PPP2R2A: variants seen among roughly 807,000 people sequenced by gnomAD.
PPP2R2A encodes protein phosphatase 2 regulatory subunit Balpha.
Under a neutral mutation model 53.2 loss-of-function variants are expected in PPP2R2A, and 9 were observed. The ratio of observed to expected loss-of-function variants is 0.17; its 90% CI spans 0.10 to 0.30. PPP2R2A has a LOEUF of 0.30. Among genes scored for constraint, PPP2R2A ranks in the 10% least tolerant of loss-of-function variants. The probability of loss-of-function intolerance (pLI) is 1.00; values close to 1 mark genes in which losing one functional copy is unlikely to be tolerated. For synonymous variants in PPP2R2A, 169 were observed against 174.2 expected (o/e 0.97, Z 0.23); for missense variants, 235 against 534.6 (o/e 0.44, Z 5.53).
At chr8:26,340,181 C>G (rs1803870986) in intron 3 of PPP2R2A, among the ~76,000 whole-genome samples, 1 of 151,860 alleles carries the variant, frequency 6.6e-6, no homozygotes, top group Non-Finnish European at 1.5e-5. Context: ...CCATAAGAAT[C>G]TTGACATACT....
chr8:26,343,924 C>G (rs1268134109), intron 3 of PPP2R2A, among the ~76,000 whole-genome samples: 3 of 152,064 alleles, frequency 2.0e-5, no homozygotes, highest in Non-Finnish European at 4.4e-5. Context: ...ACATTTTCCC[C>G]CCATCCAGGC....
chr8:26,361,945 G>A (rs908172973), intron 6 of PPP2R2A, among the ~76,000 whole-genome samples: 1 of 150,218 alleles, frequency 6.7e-6, no homozygotes, highest in African/African-American at 2.4e-5. Context: ...TGGGCAACAA[G>A]AGTGAAACTC....
chr8:26,309,397 C>G (rs1802170491), intron 2 of PPP2R2A, among the ~76,000 whole-genome samples: 1 of 152,166 alleles, frequency 6.6e-6, no homozygotes. Flanking sequence ...GTGCTCTCAG[C>G]TAGGCTTTTT....
intron 3 of PPP2R2A, among the ~76,000 whole-genome samples, chr8:26,346,647 G>GGTT (rs1327102767): frequency 6.6e-6 from 1 of 151,476 alleles, no homozygotes; most frequent in Non-Finnish European, 1.5e-5. Flanking sequence ...ATTGAAATTG[G>GGTT]GTTCTTTCTC....
chr8:26,353,779 G>A (rs1191747892), intron 3 of PPP2R2A, among the ~76,000 whole-genome samples: 5 of 152,126 alleles, frequency 3.3e-5, no homozygotes, highest in African/African-American at 1.2e-4. Context: ...TGTGTGCCAG[G>A]TTCATAAGAT....
intron 2 of PPP2R2A, among the ~76,000 whole-genome samples, chr8:26,317,192 G>A (rs184251528): frequency 3.3e-5 from 5 of 152,226 alleles, no homozygotes; most frequent in African/African-American, 9.6e-5. Flanking sequence ...GCTTTCTTGA[G>A]GGCTTTGAAC....
intron 2 of PPP2R2A, among the ~76,000 whole-genome samples, chr8:26,295,396 T>C (rs1462774269): frequency 6.6e-6 from 1 of 152,232 alleles, no homozygotes; most frequent in South Asian, 2.1e-4. Flanking sequence ...CCTTAATGTA[T>C]AGGTTCTGTC....
chr8:26,369,435 G>C (rs1805553071), intron 9 of PPP2R2A, among the ~76,000 whole-genome samples: 1 of 151,438 alleles, frequency 6.6e-6, no homozygotes, highest in South Asian at 2.1e-4. Context: ...CAGTTGCCCA[G>C]GCTGGAGTGC....
At chr8:26,319,071 A>G (rs1463288083) in intron 2 of PPP2R2A, among the ~76,000 whole-genome samples, 2 of 152,084 alleles carry the variant, frequency 1.3e-5, no homozygotes, top group Non-Finnish European at 2.9e-5. Context: ...GTCTCTATGA[A>G]TTTGACTCCT....
intron 2 of PPP2R2A, among the ~76,000 whole-genome samples, chr8:26,331,394 T>C (rs1181222548): frequency 2.6e-5 from 4 of 152,226 alleles, no homozygotes; most frequent in African/African-American, 9.6e-5. Flanking sequence ...TTATCAGATT[T>C]TTAATTTTGA....
At chr8:26,300,897 A>G (rs1801751931) in intron 2 of PPP2R2A, among the ~76,000 whole-genome samples, 1 of 152,238 alleles carries the variant, frequency 6.6e-6, no homozygotes, top group Admixed American at 6.5e-5. Flanking sequence ...TAGATTTTCT[A>G]TAAATAAACT....
chr8:26,362,678 A>G lies in PPP2R2A; in HGVS notation c.638-6A>G. ...AGTGGAAATTCCTTAATAAAATGTT[A>G]TCTAGACATTGTGGATATCAAGCCT... On this transcript the variant is annotated splice_region_variant and splice_polypyrimidine_tract_variant and intron_variant, in intron 6 of 9. Transcript: ENST00000380737. This position sits in a 1 kb window ranked among gnomAD's most constrained non-coding sequence, Gnocchi z 4.4. 6.2e-7 allele frequency: 1 copy of G among 1,613,140 alleles called. No homozygotes were observed. The highest frequency in any genetic ancestry group is 8.5e-7 in the Non-Finnish European group (1 of 1,179,334).
rs1003544096 is a variant in PPP2R2A, at chr8:26,372,482, A to G, written c.*2069A>G. On this transcript the variant is annotated 3_prime_UTR_variant, in exon 10 of 10. Transcript: ENST00000380737. The stretch of plus-strand genomic sequence containing the variant: ...TATGATGATTCTCCTCCATGACACT[A>G]AGGATTAGTTTATATATTTAAGAGA... 1 of 152,182 alleles carries G rather than the reference A, an allele frequency of 6.6e-6. No individual in the cohort carries two copies. The highest frequency in any genetic ancestry group is 2.4e-5 in the African/African-American group (1 of 41,438). The allele number at this position is 152,182 out of a possible 1,614,324, so 9.4% of individuals were successfully genotyped here.
intron 1 of PPP2R2A, 166 bp downstream of exon 1, chr8:26,291,992 G>C: frequency 8.2e-7 from 1 of 1,213,018 alleles, no homozygotes; most frequent in Non-Finnish European, 1.1e-6. Flanking sequence ...GGGCTCCCGG[G>C]AGGCAAGTGG....
Position 26,371,100 on chromosome 8 carries a change from C to T in PPP2R2A, c.*687C>T, listed in dbSNP as rs1333406750. The T allele has an allele frequency of 6.6e-6, 1 of 152,494 alleles. No individual in the cohort carries two copies. The highest frequency in any genetic ancestry group is 2.4e-5 in the African/African-American group (1 of 41,428). The allele number at this position is 152,494 out of a possible 1,614,324, so 9.4% of individuals were successfully genotyped here. On this transcript the variant is annotated 3_prime_UTR_variant, in exon 10 of 10. Coordinates refer to ENST00000380737, the MANE Select transcript of PPP2R2A (RefSeq NM_002717.4). ...GGCACTGAAAATAAGGAAAAAAAACCTACTACTGAATAAAAGTGACAAAGA... is the reference window on the plus strand; with the variant it reads ...GGCACTGAAAATAAGGAAAAAAAACTTACTACTGAATAAAAGTGACAAAGA...
chr8:26,325,254 A>T (rs191745538), intron 2 of PPP2R2A, among the ~76,000 whole-genome samples: 44 of 151,886 alleles, frequency 2.9e-4, no homozygotes, highest in Non-Finnish European at 4.4e-5. Flanking sequence ...TAATTGAATC[A>T]TGGGGGCTGG....
chr8:26,364,342 G>C (rs1805260401), intron 8 of PPP2R2A, among the ~76,000 whole-genome samples: 1 of 152,306 alleles, frequency 6.6e-6, no homozygotes, highest in Non-Finnish European at 1.5e-5. Context: ...GCAGATAACT[G>C]TTGTCTTCAG....
At position 26,371,098 on chromosome 8, in the gene PPP2R2A, A is replaced by T. The variant is rs1048776183; in HGVS notation, c.*685A>T. ...CTGGCACTGAAAATAAGGAAAAAAAACCTACTACTGAATAAAAGTGACAAA... is the reference window on the plus strand; with the variant it reads ...CTGGCACTGAAAATAAGGAAAAAAATCCTACTACTGAATAAAAGTGACAAA... On this transcript the variant is annotated 3_prime_UTR_variant, in exon 10 of 10. Coordinates refer to ENST00000380737, the MANE Select transcript of PPP2R2A (RefSeq NM_002717.4). The T allele has an allele frequency of 2.6e-5, 4 of 152,448 alleles. No individual in the cohort carries two copies. Among genetic ancestry groups the T allele is most frequent in the Non-Finnish European group, 4.4e-5 (3 of 68,030 alleles). The allele number at this position is 152,448 out of a possible 1,614,324, so 9.4% of individuals were successfully genotyped here. A position where few individuals can be genotyped will look rare whatever the true frequency, so the allele number is the denominator to read the frequency against.
At position 26,362,944 on chromosome 8, in the gene PPP2R2A, C is replaced by CTTT. The variant is rs1805186212; in HGVS notation, c.802+98_802+99insTTT. 1 of 1,236,816 alleles carries CTTT rather than the reference C, an allele frequency of 8.1e-7. No homozygotes were observed. Among genetic ancestry groups the CTTT allele is most frequent in the South Asian group, 1.3e-5 (1 of 75,360 alleles). 76.6% of individuals were successfully genotyped at this position (1,236,816 alleles called of 1,614,324 possible). ...AAGTACAATTACAGAGGTTCAAAGT[C>CTTT]TTAAACCCGTGTGTCCAGAGCCACT... On this transcript the variant is annotated intron_variant, in intron 7 of 9. Transcript: ENST00000380737. The surrounding 1 kb of genome is among the most constrained non-coding windows in gnomAD (Gnocchi z 4.4).
Sources: gnomAD v4.1 joint callset for allele counts (sites outside exome capture counted in the v4.1 genomes callset) on GRCh38, gnomAD v4.1.1 for gene constraint, Gnocchi (gnomAD v3.1) non-coding constraint, MANE v1.5 for transcripts, NCBI Gene and HGNC (gene_info 2026-07-23, HGNC 2026-07-21) for gene names.